The following DHX34 variants were observed in gnomAD, a reference collection of about 807,000 sequenced individuals.
The protein encoded by DHX34 is DExH-box helicase 34, also known as probable ATP-dependent RNA helicase DHX34.
In DHX34, 96 loss-of-function variants were observed where a neutral mutation model predicts 111.1. That is an observed-to-expected ratio of 0.86 (90% CI 0.73 to 1.02). DHX34 has a LOEUF of 1.02. DHX34 is among the 50% of genes least tolerant of loss of function. DHX34 has a pLI of 0.00. For synonymous variants in DHX34, 688 were observed against 670.4 expected (o/e 1.03, Z -0.41); for missense variants, 1,560 against 1,579.9 (o/e 0.99, Z 0.21).
intron 14 of DHX34, chr19:47,380,571 G>A (rs1159014817): frequency 1.0e-6 from 1 of 957,630 alleles, no homozygotes; most frequent in Admixed American, 6.2e-5. Flanking sequence ...TCTGAATGGG[G>A]TCCCACCAGT....
chr19:47,382,178 A>G lies in DHX34; in HGVS notation c.*65A>G. On this transcript the variant is annotated 3_prime_UTR_variant, in exon 17 of 17. Transcript: ENST00000328771. ...TGCCCTCCAGCCCAGGACTAGGGGC[A>G]GGACTCTTGCCTGAACCCCCAGCCT... 1 of 1,588,588 alleles carries G rather than the reference A, an allele frequency of 6.3e-7. No individual in the cohort carries two copies. Among genetic ancestry groups the G allele is most frequent in the Non-Finnish European group, 8.6e-7 (1 of 1,167,576 alleles).
intron 1 of DHX34, among the ~76,000 whole-genome samples, chr19:47,350,775 A>G (rs1434668218): frequency 1.3e-5 from 2 of 152,072 alleles, no homozygotes; most frequent in African/African-American, 4.8e-5. Flanking sequence ...TGGAGAACTG[A>G]AGAGAGATGG....
At chr19:47,380,681 A>G in intron 14 of DHX34, 135 bp from the exon 15 acceptor site, 2 of 1,477,670 alleles carry the variant, frequency 1.4e-6, no homozygotes, top group South Asian at 1.4e-5. Context: ...CTGCAGCCAA[A>G]TTGTGATTGG....
At chr19:47,354,669 AGATG>A (rs1969396100) in intron 2 of DHX34, among the ~76,000 whole-genome samples, 1 of 151,672 alleles carries the variant, frequency 6.6e-6, no homozygotes. Context: ...CTTTTTTTTG[AGATG>A]GAGTTTCACT....
intron 4 of DHX34, among the ~76,000 whole-genome samples, chr19:47,359,643 A>C (rs989055648): frequency 6.6e-6 from 1 of 152,052 alleles, no homozygotes; most frequent in African/African-American, 2.4e-5. Flanking sequence ...TTAGCCGGGC[A>C]TGGTGGCGGG....
chr19:47,358,183 C>T, intron 4 of DHX34, 63 bp downstream of exon 4: 3 of 1,556,658 alleles, frequency 1.9e-6, no homozygotes, highest in South Asian at 1.2e-5. Context: ...TGGCTGCGCA[C>T]AGGACTTGTG....
Position 47,355,041 on chromosome 19 carries a change from C to G in DHX34, c.708C>G (p.Val236=). 6.2e-7 allele frequency: 1 copy of G among 1,613,288 alleles called. No individual in the cohort carries two copies. The highest frequency in any genetic ancestry group is 1.3e-5 in the African/African-American group (1 of 75,000). Residue 236 remains valine, a splice_region_variant and synonymous_variant, in exon 3 of 17, where the codon GTC becomes GTG. Coordinates refer to ENST00000328771, the MANE Select transcript of DHX34 (RefSeq NM_014681.6). The stretch of plus-strand genomic sequence containing the variant: ...ATCCTTTCTTTCTCCCACCCCAGGT[C>G]GGCTACCAGATCCGCTTTGAGAGCA... ...FESLSQYGSQ[V]GYQIRFESTR...
Position 47,358,037 on chromosome 19 carries a change from G to T in DHX34, c.1189G>T (p.Ala397Ser). The T allele has an allele frequency of 6.2e-7, 1 of 1,613,290 alleles. No individual in the cohort carries two copies. Among genetic ancestry groups the T allele is most frequent in the Non-Finnish European group, 8.5e-7 (1 of 1,180,014 alleles). The stretch of plus-strand genomic sequence containing the variant: ...GGCGGAGATCAGCGCCGTGCTGGAG[G>T]CTGCCCAGACCTATGCCAGCCACAC... ...GMAEISAVLE[A>S]AQTYASHTQR... is the part of the protein sequence containing the mutation. Residue 397 changes from alanine to serine, a missense_variant, in exon 4 of 17, where the codon GCT becomes TCT. Coordinates refer to ENST00000328771, the MANE Select transcript of DHX34 (RefSeq NM_014681.6).
intron 8 of DHX34, 145 bp from the exon 9 acceptor site, chr19:47,373,454 G>T: frequency 6.9e-7 from 1 of 1,447,640 alleles, no homozygotes. Flanking sequence ...GCTTCCCATA[G>T]GAGGGGGCAC....
At chr19:47,370,537 G>T (rs1411741082) in intron 7 of DHX34, among the ~76,000 whole-genome samples, 2 of 152,218 alleles carry the variant, frequency 1.3e-5, no homozygotes, top group Non-Finnish European at 2.9e-5. Context: ...CACCATGGCA[G>T]GACCACCCAT....
chr19:47,360,833 G>A (rs550013176), intron 5 of DHX34, among the ~76,000 whole-genome samples: 3 of 152,002 alleles, frequency 2.0e-5, no homozygotes, highest in South Asian at 4.2e-4. Context: ...CACCACGCCC[G>A]GCTAATTTTT....
chr19:47,373,844 G>A (rs939247241), intron 9 of DHX34, 144 bp downstream of exon 9: 3 of 1,092,624 alleles, frequency 2.7e-6, no homozygotes, highest in African/African-American at 3.2e-5. Context: ...CGGTGACCAG[G>A]TGTTGGGGCA....
In DHX34 at chr19:47,380,761, T is replaced by C. The variant is rs538506899; in HGVS notation, c.2983-55T>C. The C allele has an allele frequency of 1.4e-5, 23 of 1,606,936 alleles. No individual in the cohort carries two copies. The African/African-American group carries it at 2.9e-4, about 21-fold the overall frequency. On this transcript the variant is annotated intron_variant, in intron 14 of 16. Transcript: ENST00000328771. ...TCAGGCACAGCTGGATCCAGGTGCT[T>C]TGGCGGCATCTCCCTGAGTCTGTCT...
At chr19:47,372,587 A>T (rs1029337944) in intron 7 of DHX34, 143 bp from the exon 8 acceptor site, 3 of 1,406,860 alleles carry the variant, frequency 2.1e-6, no homozygotes, top group Admixed American at 6.1e-5. Flanking sequence ...TTGAATCTCC[A>T]TCTGGGTCAC....
intron 4 of DHX34, among the ~76,000 whole-genome samples, chr19:47,358,380 G>GT: frequency 6.6e-6 from 1 of 152,240 alleles, no homozygotes; most frequent in African/African-American, 2.4e-5. Flanking sequence ...CTCTCTGTCT[G>GT]TCACAGCTAC....
chr19:47,352,714 T>C, intron 1 of DHX34, 40 bp from the exon 2 acceptor site: 1 of 318,344 alleles, frequency 3.1e-6, no homozygotes, highest in Non-Finnish European at 5.7e-6. Context: ...AAAGCAATGT[T>C]CCCAAAAGAG....
At chr19:47,352,010 C>T (rs559771551) in intron 1 of DHX34, among the ~76,000 whole-genome samples, 1 of 152,340 alleles carries the variant, frequency 6.6e-6, no homozygotes, top group South Asian at 2.1e-4. Context: ...CACTGGACCC[C>T]GGGTGAAGAA....
At position 47,375,916 on chromosome 19, in the gene DHX34, C is replaced by T. The variant is rs1201137691; in HGVS notation, c.2308-8C>T. On this transcript the variant is annotated splice_region_variant and splice_polypyrimidine_tract_variant and intron_variant, in intron 10 of 16. Coordinates refer to ENST00000328771, the MANE Select transcript of DHX34 (RefSeq NM_014681.6). ...CCCTAAGACTCTGCCTCCCCGTGCT[C>T]CCCCCAGGATGTGAAGTTCAAGCTT... The T allele has an allele frequency of 2.5e-6, 4 of 1,597,562 alleles. No individual in the cohort carries two copies. The highest frequency in any genetic ancestry group is 3.4e-6 in the Non-Finnish European group (4 of 1,175,652).
In DHX34 at chr19:47,355,110, G is replaced by A; in HGVS notation, c.777G>A (p.Leu259=). The A allele has an allele frequency of 6.2e-7, 1 of 1,613,996 alleles. No homozygotes were observed. The highest frequency in any genetic ancestry group is 8.5e-7 in the Non-Finnish European group (1 of 1,180,008). ...ATKIVFLTVG[L]LLRQIQREPS... ...AGATTGTATTCCTGACAGTGGGGCTGCTCCTGCGACAAATCCAGCGGGAAC... is the reference window on the plus strand; with the variant it reads ...AGATTGTATTCCTGACAGTGGGGCTACTCCTGCGACAAATCCAGCGGGAAC... Residue 259 remains leucine, a synonymous_variant, in exon 3 of 17, where the codon CTG becomes CTA. Coordinates refer to ENST00000328771, the MANE Select transcript of DHX34 (RefSeq NM_014681.6).
Sources: gnomAD v4.1 joint callset for allele counts (sites outside exome capture counted in the v4.1 genomes callset) on GRCh38, gnomAD v4.1.1 for gene constraint, MANE v1.5 for transcripts, NCBI Gene and HGNC (gene_info 2026-07-23, HGNC 2026-07-21) for gene names.